TBCK: variants seen among roughly 807,000 people sequenced by gnomAD.
TBCK encodes the protein TBC domain-containing protein kinase-like protein.
In TBCK, 99 loss-of-function variants were observed where a neutral mutation model predicts 113.4. That is an observed-to-expected ratio of 0.87 (90% CI 0.74 to 1.03). TBCK has a LOEUF of 1.03. Among genes scored for constraint, TBCK ranks in the 50% least tolerant of loss-of-function variants. The pLI, the probability that TBCK is intolerant of heterozygous loss-of-function variation, is 0.00. For synonymous variants in TBCK, 369 were observed against 370.8 expected, an observed-to-expected ratio of 1.00 and a Z score of 0.05; for missense variants, 1,045 against 1,061.3, an observed-to-expected ratio of 0.98 and a Z score of 0.21.
intron 24 of TBCK, among the ~76,000 whole-genome samples, chr4:106,111,223 C>T (rs528187257): frequency 1.2e-4 from 18 of 152,190 alleles, no homozygotes; most frequent in African/African-American, 2.9e-4. Flanking sequence ...CATATAGAAC[C>T]GTCATACAGT....
At chr4:106,116,077 G>GTT in intron 24 of TBCK, 126 bp downstream of exon 24, 1 of 830,214 alleles carries the variant, frequency 1.2e-6, no homozygotes, top group Non-Finnish European at 1.9e-6. Flanking sequence ...CAGTTTGAGA[G>GTT]TAATTTAACT....
At chr4:106,174,672 ATTCTAT>A (rs1751430013) in intron 22 of TBCK, among the ~76,000 whole-genome samples, 1 of 152,114 alleles carries the variant, frequency 6.6e-6, no homozygotes. Flanking sequence ...TAAATCTTCT[ATTCTAT>A]AAGAATCTTG....
intron 3 of TBCK, among the ~76,000 whole-genome samples, chr4:106,282,289 CTCTT>C (rs1764678329): frequency 6.6e-6 from 1 of 151,820 alleles, no homozygotes; most frequent in Admixed American, 6.6e-5. Flanking sequence ...GTTGAGTCTT[CTCTT>C]TTTTTTCTTA....
intron 23 of TBCK, among the ~76,000 whole-genome samples, chr4:106,156,581 T>C (rs769408864): frequency 6.6e-6 from 1 of 152,198 alleles, no homozygotes; most frequent in Non-Finnish European, 1.5e-5. Flanking sequence ...ACTCAAATCA[T>C]GAGACACAGT....
intron 15 of TBCK, among the ~76,000 whole-genome samples, 158 bp from the exon 16 acceptor site, chr4:106,233,808 C>A (rs1011447781): frequency 6.6e-6 from 1 of 151,984 alleles, no homozygotes. Flanking sequence ...AAGAGAAATT[C>A]TCTGTGTCTT....
intron 23 of TBCK, among the ~76,000 whole-genome samples, chr4:106,120,795 CCA>C (rs1744241143): frequency 6.6e-6 from 1 of 152,108 alleles, no homozygotes; most frequent in Non-Finnish European, 1.5e-5. Flanking sequence ...GAAAGGACAT[CCA>C]CACCAAAAAC....
At chr4:106,276,153 G>C (rs932226911) in intron 3 of TBCK, among the ~76,000 whole-genome samples, 1 of 152,046 alleles carries the variant, frequency 6.6e-6, no homozygotes. Flanking sequence ...GGCACCAAAG[G>C]AATGCAATCA....
chr4:106,308,914 G>A lies in TBCK; in HGVS notation c.47C>T (p.Ala16Val), dbSNP rs866678116. ...DAEMGAFTFFASALPHDVCGS... is the reference protein window; with the variant it reads ...DAEMGAFTFFVSALPHDVCGS... Reference sequence around the variant, plus strand: ...ACAAACATCATGTGGCAGAGCCGAGGCAAAGAAGGTAAAGGCTCCCATTTC... The same window carrying A: ...ACAAACATCATGTGGCAGAGCCGAGACAAAGAAGGTAAAGGCTCCCATTTC... The change falls in exon 2 of 26, where the codon GCC (alanine) becomes GTC (valine). Residue 16 changes from alanine to valine, a missense_variant. Physicochemically the swap from Ala to Val is moderately conservative, Grantham distance 64 (BLOSUM62 0). Transcript: ENST00000394708. The A allele has an allele frequency of 5.6e-6, 9 of 1,614,000 alleles. No individual in the cohort carries two copies. The African/African-American group carries it at 1.1e-4, about 19-fold the overall frequency.
At chr4:106,248,879 T>C in intron 8 of TBCK, 42 bp downstream of exon 8, 5 of 1,490,912 alleles carry the variant, frequency 3.4e-6, no homozygotes, top group Non-Finnish European at 4.6e-6. Flanking sequence ...GGTATTTTGT[T>C]ATAGCAGCAC....
chr4:106,136,824 C>T (rs2149639396), intron 23 of TBCK, among the ~76,000 whole-genome samples: 1 of 140,832 alleles, frequency 7.1e-6, no homozygotes, highest in African/African-American at 2.5e-5. Flanking sequence ...CTCCATTGCC[C>T]AGCAGAGAGC....
intron 23 of TBCK, among the ~76,000 whole-genome samples, chr4:106,145,864 C>A (rs533040269): frequency 2.0e-5 from 3 of 152,162 alleles, no homozygotes; most frequent in Non-Finnish European, 4.4e-5. Flanking sequence ...TCACACCAGT[C>A]AGAATGGCGA....
chr4:106,129,842 G>C (rs1046374469), intron 23 of TBCK, among the ~76,000 whole-genome samples: 1 of 152,158 alleles, frequency 6.6e-6, no homozygotes, highest in African/African-American at 2.4e-5. Flanking sequence ...TGTTTAGACT[G>C]CGTCAAGAGG....
intron 20 of TBCK, among the ~76,000 whole-genome samples, chr4:106,210,844 C>T (rs983591531): frequency 6.6e-6 from 1 of 152,178 alleles, no homozygotes; most frequent in African/African-American, 2.4e-5. Flanking sequence ...ACATCATACT[C>T]ATTCAGAATT....
At chr4:106,215,002 C>T (rs1225326766) in intron 19 of TBCK, among the ~76,000 whole-genome samples, 1 of 151,114 alleles carries the variant, frequency 6.6e-6, no homozygotes, top group African/African-American at 2.4e-5. Flanking sequence ...GCCCATCAGA[C>T]TAACAGCGGA....
chr4:106,295,546 G>T (rs1458349959), intron 2 of TBCK, among the ~76,000 whole-genome samples: 1 of 152,086 alleles, frequency 6.6e-6, no homozygotes, highest in Non-Finnish European at 1.5e-5. Flanking sequence ...GGTACAGATT[G>T]CTTGACACTC....
At chr4:106,217,865 CTACTT>C (rs1310624933) in intron 19 of TBCK, among the ~76,000 whole-genome samples, 8 of 148,392 alleles carry the variant, frequency 5.4e-5, no homozygotes, top group Admixed American at 5.4e-4. Context: ...TTGGAAAAAA[CTACTT>C]TAAAGTTCAT....
intron 23 of TBCK, among the ~76,000 whole-genome samples, chr4:106,145,020 C>CAA (rs34322527): frequency 0.08 from 7,054 of 88,532 alleles, 273 homozygotes; most frequent in Non-Finnish European, 0.1. Context: ...AACTCCGTGT[C>CAA]AAAAAAAAAA....
chr4:106,309,016 G>C, intron 1 of TBCK, 27 bp from the exon 2 acceptor site: 1 of 1,480,926 alleles, frequency 6.8e-7, no homozygotes, highest in Non-Finnish European at 9.1e-7. Flanking sequence ...TTTTAGGACA[G>C]ACCAAACATT....
chr4:106,259,419 C>G (rs1177065075), intron 5 of TBCK, among the ~76,000 whole-genome samples: 2 of 151,714 alleles, frequency 1.3e-5, no homozygotes, highest in Non-Finnish European at 3.0e-5. Context: ...AGTCACATTA[C>G]AATTGAAAAA....
Sources: allele counts gnomAD v4.1 joint callset (sites outside exome capture counted in the v4.1 genomes callset), GRCh38; gene constraint gnomAD v4.1.1; transcripts MANE v1.5; gene names NCBI Gene and HGNC (gene_info 2026-07-23, HGNC 2026-07-21).